EFR3A: variants seen among roughly 807,000 people sequenced by gnomAD.
EFR3A encodes the protein protein EFR3 homolog A.
Under a neutral mutation model 104.4 loss-of-function variants are expected in EFR3A, and 76 were observed. The observed-to-expected ratio is 0.73, with a 90% CI of 0.60 to 0.88. EFR3A has a LOEUF of 0.88. EFR3A is among the 40% of genes least tolerant of loss of function. The probability of loss-of-function intolerance (pLI) is 0.00; values close to 1 mark genes in which losing one functional copy is unlikely to be tolerated. For synonymous variants in EFR3A, 330 were observed against 330.0 expected, an observed-to-expected ratio of 1.00 and a Z score of 0.00; for missense variants, 985 against 1,012.5, an observed-to-expected ratio of 0.97 and a Z score of 0.37.
intron 18 of EFR3A, among the ~76,000 whole-genome samples, chr8:131,990,128 G>A (rs1275463192): frequency 6.6e-6 from 1 of 152,168 alleles, no homozygotes; most frequent in Non-Finnish European, 1.5e-5. Context: ...AAGACGGGTA[G>A]GTCCCTACTT....
chr8:131,954,061 G>A, intron 6 of EFR3A, 94 bp downstream of exon 6: 4 of 1,207,224 alleles, frequency 3.3e-6, no homozygotes, highest in Non-Finnish European at 4.4e-6. Flanking sequence ...TTAGTACTCT[G>A]TAAACAGTAG....
chr8:131,914,805 T>C (rs58442517), intron 1 of EFR3A, among the ~76,000 whole-genome samples: 1,685 of 152,222 alleles, frequency 0.011, 30 homozygotes, highest in African/African-American at 0.039. Flanking sequence ...CCTCTCTCTT[T>C]TCCCACCCTC....
At chr8:131,920,225 T>C (rs1816936220) in intron 1 of EFR3A, among the ~76,000 whole-genome samples, 1 of 152,158 alleles carries the variant, frequency 6.6e-6, no homozygotes, top group African/African-American at 2.4e-5. Flanking sequence ...GGAAAAGCTT[T>C]AAGACATTCT....
Position 131,968,391 on chromosome 8 carries a change from C to T in EFR3A, c.952C>T (p.Leu318=). 6.2e-7 allele frequency: 1 copy of T among 1,613,586 alleles called. No homozygotes were observed. The highest frequency in any genetic ancestry group is 1.1e-5 in the South Asian group (1 of 91,054). ...GGTTCGAGCAGGTATTATTCAGGTT[C>T]TGTTAGAGGCTGTTGCCATTGCTGC... ...PRVRAGIIQV[L]LEAVAIAAKG... The change falls in exon 9 of 23, where the codon CTG becomes TTG. Residue 318 remains leucine (L), a synonymous_variant. Coordinates refer to ENST00000254624, the MANE Select transcript of EFR3A (RefSeq NM_015137.6).
intron 10 of EFR3A, among the ~76,000 whole-genome samples, chr8:131,974,415 T>C (rs540706507): frequency 6.6e-6 from 1 of 152,334 alleles, no homozygotes; most frequent in East Asian, 1.9e-4. Flanking sequence ...CTTGTGGTAA[T>C]AACTAAGTTG....
chr8:131,916,489 A>G (rs1191920454), intron 1 of EFR3A, among the ~76,000 whole-genome samples: 3 of 152,180 alleles, frequency 2.0e-5, no homozygotes, highest in Non-Finnish European at 2.9e-5. Context: ...AGATGAGTCC[A>G]TTTTAGGATA....
rs1362865914 is a variant in EFR3A at position 131,942,540 on chromosome 8, G to C, written c.87+1965G>C. 2.0e-5 allele frequency among the ~76,000 whole-genome samples: 3 copies of C among 152,084 alleles called. No individual in the cohort carries two copies. In the East Asian group the frequency reaches 5.8e-4, roughly 29 times the overall value. ...TAATAAGTAGTACCGATCTCATAAT[G>C]TTCTCATGAGGACTAAATGAGTTAA... On this transcript the variant is annotated intron_variant, in intron 2 of 22. Coordinates refer to ENST00000254624, the MANE Select transcript of EFR3A (RefSeq NM_015137.6).
intron 22 of EFR3A, among the ~76,000 whole-genome samples, chr8:132,005,293 G>A (rs1563711506): frequency 2.0e-5 from 3 of 152,058 alleles, no homozygotes; most frequent in African/African-American, 7.2e-5. Context: ...ATTTTCTCTT[G>A]TTAATTTGCC....
chr8:131,904,797 C>G (rs548673608), intron 1 of EFR3A, among the ~76,000 whole-genome samples: 1 of 152,300 alleles, frequency 6.6e-6, no homozygotes, highest in South Asian at 2.1e-4. Flanking sequence ...GTATCGCCGT[C>G]GGGGCGGCTG....
intron 1 of EFR3A, among the ~76,000 whole-genome samples, chr8:131,920,205 C>A (rs1378784008): frequency 6.6e-6 from 1 of 152,090 alleles, no homozygotes; most frequent in African/African-American, 2.4e-5. Context: ...GTGCACAGTG[C>A]ACTGTGGGTG....
chr8:131,937,566 A>G (rs1176499382), intron 1 of EFR3A, among the ~76,000 whole-genome samples: 1 of 152,150 alleles, frequency 6.6e-6, no homozygotes, highest in Non-Finnish European at 1.5e-5. Flanking sequence ...TAGGAGGAGA[A>G]TAGTGGATAG....
At chr8:131,995,318 A>G (rs1346985336) in intron 18 of EFR3A, among the ~76,000 whole-genome samples, 1 of 152,118 alleles carries the variant, frequency 6.6e-6, no homozygotes, top group African/African-American at 2.4e-5. Context: ...GACTGTAATC[A>G]TGATTATTTG....
At chr8:131,905,422 A>C (rs574217901) in intron 1 of EFR3A, among the ~76,000 whole-genome samples, 2 of 152,168 alleles carry the variant, frequency 1.3e-5, no homozygotes, top group Non-Finnish European at 2.9e-5. Context: ...ATATTTAAGG[A>C]TATTAAATTT....
chr8:131,983,839 A>G (rs1183700575), intron 14 of EFR3A, among the ~76,000 whole-genome samples: 5 of 152,090 alleles, frequency 3.3e-5, no homozygotes, highest in Admixed American at 3.3e-4. Flanking sequence ...GTCAATCCAT[A>G]ATTTGCTTTT....
chr8:131,932,697 ACT>A (rs1180478658), intron 1 of EFR3A, among the ~76,000 whole-genome samples: 2 of 152,058 alleles, frequency 1.3e-5, no homozygotes, highest in African/African-American at 4.8e-5. Flanking sequence ...GTTGAAATAC[ACT>A]CTATAAATGG....
intron 1 of EFR3A, among the ~76,000 whole-genome samples, chr8:131,917,320 C>T (rs1057482832): frequency 3.3e-5 from 5 of 152,196 alleles, no homozygotes; most frequent in African/African-American, 1.2e-4. Context: ...TCCTTTCCTC[C>T]CCGTCGATTG....
intron 1 of EFR3A, among the ~76,000 whole-genome samples, chr8:131,926,610 TA>T (rs1167422920): frequency 6.6e-6 from 1 of 151,614 alleles, no homozygotes; most frequent in African/African-American, 2.4e-5. Flanking sequence ...GTTGTTTTTT[TA>T]AAAAAAAATT....
chr8:131,980,702 T>C (rs1415185562), intron 14 of EFR3A, among the ~76,000 whole-genome samples: 1 of 152,122 alleles, frequency 6.6e-6, no homozygotes, highest in Non-Finnish European at 1.5e-5. Context: ...TTTTGAAATA[T>C]ACAATACACT....
In EFR3A at chr8:132,010,960, C is replaced by G; in HGVS notation, c.*65C>G. Reference sequence around the variant, plus strand: ...AAAAATTAAGGCCAAGCTGAGCTTTCAGGGTTTACTTAATGTGTATTAACA... The same window carrying G: ...AAAAATTAAGGCCAAGCTGAGCTTTGAGGGTTTACTTAATGTGTATTAACA... On this transcript the variant is annotated 3_prime_UTR_variant, in exon 23 of 23. Transcript: ENST00000254624. 2 of 1,489,016 alleles carry G rather than the reference C, an allele frequency of 1.3e-6. No individual in the cohort carries two copies. Among genetic ancestry groups the G allele is most frequent in the Non-Finnish European group, 1.8e-6 (2 of 1,099,508 alleles). 92.2% of individuals were successfully genotyped at this position (1,489,016 alleles called of 1,614,324 possible).
Sources: allele counts gnomAD v4.1 joint callset (sites outside exome capture counted in the v4.1 genomes callset), GRCh38; gene constraint gnomAD v4.1.1; transcripts MANE v1.5; gene names NCBI Gene and HGNC (gene_info 2026-07-23, HGNC 2026-07-21).